Variants in PLD1 observed in about 807,000 individuals in gnomAD.
PLD1 encodes the protein choline phosphatase 1.
A neutral mutation model predicts 137.1 loss-of-function variants in PLD1; 112 were observed. That is an observed-to-expected ratio of 0.82 (90% CI 0.70 to 0.96). The LOEUF is 0.96. PLD1 is among the 40% of genes least tolerant of loss of function. The pLI is 0.00. For synonymous variants in PLD1, 431 were observed against 454.7 expected (o/e 0.95, Z 0.66); for missense variants, 1,321 against 1,342.0 (o/e 0.98, Z 0.24).
chr3:171,629,568 C>A (rs1327792458), intron 23 of PLD1, among the ~76,000 whole-genome samples: 17 of 152,126 alleles, frequency 1.1e-4, no homozygotes, highest in South Asian at 6.2e-4. Flanking sequence ...AATCCTAAGC[C>A]AAAAGAACAA....
intron 23 of PLD1, among the ~76,000 whole-genome samples, chr3:171,631,572 G>C (rs1293431176): frequency 6.6e-6 from 1 of 152,134 alleles, no homozygotes; most frequent in Non-Finnish European, 1.5e-5. Flanking sequence ...GTTCCTTGAA[G>C]AAATGGCTGA....
intron 9 of PLD1, 129 bp downstream of exon 9, chr3:171,713,764 T>C (rs1447532810): frequency 4.0e-6 from 3 of 743,188 alleles, no homozygotes; most frequent in Non-Finnish European, 4.5e-6. Context: ...TTCATTACTA[T>C]TGATTGAGGA....
intron 1 of PLD1, among the ~76,000 whole-genome samples, chr3:171,760,875 C>A (rs1057130763): frequency 6.6e-6 from 1 of 152,152 alleles, no homozygotes; most frequent in African/African-American, 2.4e-5. Flanking sequence ...GCTGAAGCAA[C>A]CTCTTGCTGG....
At chr3:171,754,842 T>C (rs954745234) in intron 1 of PLD1, among the ~76,000 whole-genome samples, 1 of 152,180 alleles carries the variant, frequency 6.6e-6, no homozygotes, top group Non-Finnish European at 1.5e-5. Context: ...TGTGACTCGC[T>C]CCTTATTAAA....
intron 1 of PLD1, among the ~76,000 whole-genome samples, chr3:171,798,147 A>G (rs1723504432): frequency 6.6e-6 from 1 of 152,250 alleles, no homozygotes; most frequent in African/African-American, 2.4e-5. Flanking sequence ...TGAGTCGGAC[A>G]GGATCAAAGT....
intron 24 of PLD1, among the ~76,000 whole-genome samples, chr3:171,619,038 A>G (rs1733365325): frequency 6.6e-6 from 1 of 152,090 alleles, no homozygotes; most frequent in Non-Finnish European, 1.5e-5. Flanking sequence ...ATTGTCCAAA[A>G]TTTTCAAAAC....
At chr3:171,772,675 G>T (rs1294423991) in intron 1 of PLD1, among the ~76,000 whole-genome samples, 1 of 152,184 alleles carries the variant, frequency 6.6e-6, no homozygotes, top group East Asian at 1.9e-4. Flanking sequence ...AAAGCTGGAT[G>T]AGCTGAACAA....
At chr3:171,645,313 A>C (rs1430693667) in intron 21 of PLD1, among the ~76,000 whole-genome samples, 1 of 152,206 alleles carries the variant, frequency 6.6e-6, no homozygotes, top group Non-Finnish European at 1.5e-5. Context: ...ATGCAGTGTA[A>C]GAAATCCTTG....
At chr3:171,697,242 T>TTTA (rs1560227341) in intron 12 of PLD1, among the ~76,000 whole-genome samples, 2 of 114,636 alleles carry the variant, frequency 1.7e-5, no homozygotes, top group African/African-American at 8.1e-5. Flanking sequence ...GACACCTTTT[T>TTTA]TTTTTTTTTT....
chr3:171,704,500 A>G (rs1273608925), intron 11 of PLD1, among the ~76,000 whole-genome samples: 1 of 151,332 alleles, frequency 6.6e-6, no homozygotes, highest in Non-Finnish European at 1.5e-5. Flanking sequence ...CAGAAAAGGG[A>G]ATCAGCAGAT....
chr3:171,747,342 A>C (rs1488797856), intron 1 of PLD1, among the ~76,000 whole-genome samples: 13 of 152,202 alleles, frequency 8.5e-5, no homozygotes, highest in African/African-American at 3.1e-4. Context: ...TGCTGAGCAC[A>C]CTGATACAAA....
At chr3:171,800,239 C>A (rs762788199) in intron 1 of PLD1, among the ~76,000 whole-genome samples, 1 of 152,082 alleles carries the variant, frequency 6.6e-6, no homozygotes, top group Non-Finnish European at 1.5e-5. Flanking sequence ...GATGGAGTCT[C>A]GCTTTGTTGC....
At chr3:171,804,567 C>T (rs895070006) in intron 1 of PLD1, among the ~76,000 whole-genome samples, 4 of 152,140 alleles carry the variant, frequency 2.6e-5, no homozygotes, top group East Asian at 3.8e-4. Flanking sequence ...CCCTCTCACA[C>T]GGAAGACAGA....
intron 16 of PLD1, among the ~76,000 whole-genome samples, chr3:171,684,815 G>A (rs1036416699): frequency 6.6e-6 from 1 of 152,116 alleles, no homozygotes; most frequent in African/African-American, 2.4e-5. Flanking sequence ...TTGAATTCCT[G>A]GGCTCAAGCA....
At chr3:171,778,579 G>A (rs1295812413) in intron 1 of PLD1, among the ~76,000 whole-genome samples, 3 of 152,166 alleles carry the variant, frequency 2.0e-5, no homozygotes, top group African/African-American at 7.2e-5. Flanking sequence ...AACGAAGTGA[G>A]GTGACAGGCT....
intron 1 of PLD1, among the ~76,000 whole-genome samples, chr3:171,783,226 G>T (rs1367502080): frequency 6.6e-6 from 1 of 152,098 alleles, no homozygotes; most frequent in Non-Finnish European, 1.5e-5. Context: ...AGGCAGGGGT[G>T]GAGGGTGGCG....
intron 1 of PLD1, among the ~76,000 whole-genome samples, chr3:171,766,436 T>C (rs2108321865): frequency 6.6e-6 from 1 of 152,256 alleles, no homozygotes. Context: ...TGATCATCCG[T>C]TCTATTGTCT....
At chr3:171,771,677 T>TAA (rs1372025550) in intron 1 of PLD1, among the ~76,000 whole-genome samples, 3 of 152,262 alleles carry the variant, frequency 2.0e-5, no homozygotes, top group Non-Finnish European at 4.4e-5. Flanking sequence ...ATGACTTTTA[T>TAA]ATTGTTCAAG....
intron 23 of PLD1, among the ~76,000 whole-genome samples, chr3:171,635,965 C>CTTTTTTTTTTT (rs71178231): frequency 6.5e-4 from 32 of 49,284 alleles, no homozygotes; most frequent in South Asian, 1.2e-3. Context: ...GGTTCAACTT[C>CTTTTTTTTTTT]TTTTTTTTTT....
Sources: gnomAD v4.1 joint callset for allele counts (sites outside exome capture counted in the v4.1 genomes callset) on GRCh38, gnomAD v4.1.1 for gene constraint, MANE v1.5 for transcripts, NCBI Gene and HGNC (gene_info 2026-07-23, HGNC 2026-07-21) for gene names.